Variants in PTP4A3 observed in about 807,000 individuals in gnomAD.
PTP4A3 encodes the protein protein tyrosine phosphatase 4A3.
In PTP4A3, 9 loss-of-function variants were observed where a neutral mutation model predicts 15.2. The observed-to-expected ratio is 0.59, with a 90% CI of 0.36 to 1.03. The LOEUF is 1.03. Ranked by LOEUF, PTP4A3 falls within the 50% of genes least tolerant of loss-of-function variation. The pLI is 0.02. For missense variants in PTP4A3, 234 were observed against 252.1 expected (o/e 0.93, Z 0.49); for synonymous variants, 95 against 102.0 (o/e 0.93, Z 0.41).
At chr8:141,401,782 C>T (rs112872528) in intron 1 of PTP4A3, among the ~76,000 whole-genome samples, 1,808 of 152,290 alleles carry the variant, frequency 0.012, 38 homozygotes, top group African/African-American at 0.041. Flanking sequence ...GCAGGTGGAG[C>T]GGGGCTCCAA....
rs4076820 is a variant in PTP4A3 at position 141,426,065 on chromosome 8, G to A, written c.199-874G>A. ...GCAGCGGGAGGGATTGGGGTCAGAC[G>A]TAAGTAGCCGTGACACCGGTTGTCT... On this transcript the variant is annotated intron_variant, in intron 3 of 5. Transcript: ENST00000521578. Among the ~76,000 whole-genome samples, 1,373 of 152,276 alleles carry A rather than the reference G, an allele frequency of 9.0e-3. 15 individuals carry two copies. Among genetic ancestry groups the A allele is most frequent in the African/African-American group, 0.031 (1,294 of 41,560 alleles).
In PTP4A3 at chr8:141,427,642, G is replaced by A. The variant is rs1204471743; in HGVS notation, c.330-108G>A. ...CCATGGGGGAGCTTCAGGCAGGGGG[G>A]ATTCTGGGCCCCTTGGGCCCCCGTG... On this transcript the variant is annotated intron_variant, in intron 4 of 5. Transcript: ENST00000521578. The A allele has an allele frequency of 1.8e-5, 17 of 929,178 alleles. No individual in the cohort carries two copies. In the South Asian group the frequency reaches 2.5e-4, roughly 13 times the overall value. The allele number at this position is 929,178 out of a possible 1,614,324, so 57.6% of individuals were successfully genotyped here. A position where few individuals can be genotyped will look rare whatever the true frequency, so the allele number is the denominator to read the frequency against.
intron 1 of PTP4A3, among the ~76,000 whole-genome samples, chr8:141,394,410 C>T (rs1424291655): frequency 6.6e-6 from 1 of 152,184 alleles, no homozygotes; most frequent in Non-Finnish European, 1.5e-5. Context: ...CCCCAGGGCG[C>T]TTTCTCACCT....
intron 1 of PTP4A3, among the ~76,000 whole-genome samples, chr8:141,395,836 C>A (rs1832437876): frequency 6.6e-6 from 1 of 152,130 alleles, no homozygotes; most frequent in Admixed American, 6.5e-5. Context: ...TCCCATGCCC[C>A]CCGGCTCCTC....
At chr8:141,414,162 G>A (rs1378441058) in intron 1 of PTP4A3, among the ~76,000 whole-genome samples, 5 of 152,198 alleles carry the variant, frequency 3.3e-5, no homozygotes, top group African/African-American at 4.8e-5. Context: ...TTTCCACACT[G>A]GCTTCTCAGT....
chr8:141,423,745 C>T (rs897749245), intron 2 of PTP4A3, among the ~76,000 whole-genome samples: 6 of 151,010 alleles, frequency 4.0e-5, no homozygotes, highest in African/African-American at 1.5e-4. Flanking sequence ...TGTCCAAGAT[C>T]AGGGTTCAGT....
rs149043774 is a variant in PTP4A3 at position 141,427,665 on chromosome 8, G to A, written c.330-85G>A. On this transcript the variant is annotated intron_variant, in intron 4 of 5. Coordinates refer to ENST00000521578, the MANE Select transcript of PTP4A3 (RefSeq NM_032611.3). ...GGGATTCTGGGCCCCTTGGGCCCCC[G>A]TGCCCTGCATCTTCAGCAGGTGCCC... The A allele has an allele frequency of 5.0e-4, 617 of 1,230,892 alleles. 5 individuals are homozygous for A. Among genetic ancestry groups the A allele is most frequent in the Middle Eastern group, 4.3e-3 (21 of 4,832 alleles). The allele number at this position is 1,230,892 out of a possible 1,614,324, so 76.2% of individuals were successfully genotyped here. A position where few individuals can be genotyped will look rare whatever the true frequency, so the allele number is the denominator to read the frequency against.
chr8:141,429,272 C>T (rs559626774), intron 5 of PTP4A3, among the ~76,000 whole-genome samples: 47 of 152,384 alleles, frequency 3.1e-4, no homozygotes, highest in South Asian at 2.9e-3. Flanking sequence ...AGACTCCTCG[C>T]GCTACTGCTG....
chr8:141,429,091 C>A (rs1833722878), intron 5 of PTP4A3, among the ~76,000 whole-genome samples: 1 of 152,374 alleles, frequency 6.6e-6, no homozygotes. Context: ...CAGGCCTGAA[C>A]CCCAACGACT....
At chr8:141,407,836 A>G (rs901915918) in intron 1 of PTP4A3, among the ~76,000 whole-genome samples, 1 of 152,208 alleles carries the variant, frequency 6.6e-6, no homozygotes, top group African/African-American at 2.4e-5. Flanking sequence ...CAAAGTGGTA[A>G]GATGACAGGC....
chr8:141,406,994 G>A lies in PTP4A3; in HGVS notation c.-853-14394G>A, dbSNP rs1231278384. ...CACCTTCTGGATTCTCTCCAGGGGA[G>A]GAGGTCAGGCCCTTGGGAGGTACCC... On this transcript the variant is annotated intron_variant, in intron 1 of 5. Transcript: ENST00000521578. This position sits in a 1 kb window ranked among gnomAD's most constrained non-coding sequence, Gnocchi z 4.5. 6.6e-6 allele frequency among the ~76,000 whole-genome samples: 1 copy of A among 152,240 alleles called. No individual in the cohort carries two copies. Among genetic ancestry groups the A allele is most frequent in the Non-Finnish European group, 1.5e-5 (1 of 68,044 alleles).
intron 1 of PTP4A3, among the ~76,000 whole-genome samples, chr8:141,394,895 T>A (rs1166217447): frequency 1.3e-5 from 2 of 152,248 alleles, no homozygotes; most frequent in Non-Finnish European, 2.9e-5. Flanking sequence ...GCCGCCTGAC[T>A]TCGGCGCCCC....
chr8:141,428,576 C>A (rs1205585552), intron 5 of PTP4A3, among the ~76,000 whole-genome samples: 1 of 152,192 alleles, frequency 6.6e-6, no homozygotes, highest in Non-Finnish European at 1.5e-5. Flanking sequence ...GGCTTGTTCC[C>A]AGCCATGCCA....
intron 1 of PTP4A3, among the ~76,000 whole-genome samples, chr8:141,392,806 G>A (rs1404676397): frequency 6.6e-6 from 1 of 152,218 alleles, no homozygotes; most frequent in East Asian, 1.9e-4. Flanking sequence ...GTTCCCGGAG[G>A]GAAGCCCTTT....
rs188315296 is a variant in PTP4A3 at position 141,399,994 on chromosome 8, G to A, written c.-854+7910G>A. ...CGATCTCAGCTCACTGCAAACCTCCGCTTCCCAGGCACAAGCGATTCTCCT... is the reference window on the plus strand; with the variant it reads ...CGATCTCAGCTCACTGCAAACCTCCACTTCCCAGGCACAAGCGATTCTCCT... On this transcript the variant is annotated intron_variant, in intron 1 of 5. Coordinates refer to ENST00000521578, the MANE Select transcript of PTP4A3 (RefSeq NM_032611.3). Among the ~76,000 whole-genome samples the A allele has an allele frequency of 1.8e-3, 280 of 152,340 alleles. 2 individuals carry two copies. The highest frequency in any genetic ancestry group is 6.5e-3 in the African/African-American group (270 of 41,580).
Position 141,422,485 on chromosome 8 carries a change from G to T in PTP4A3, c.105+140G>T, listed in dbSNP as rs749069884. 3.3e-5 allele frequency: 29 copies of T among 884,510 alleles called. No homozygotes were observed. In the Middle Eastern group the frequency reaches 1.2e-3, roughly 35 times the overall value. 54.8% of individuals were successfully genotyped at this position (884,510 alleles called of 1,614,324 possible). A position where few individuals can be genotyped will look rare whatever the true frequency, so the allele number is the denominator to read the frequency against. On this transcript the variant is annotated intron_variant, in intron 2 of 5. Coordinates refer to ENST00000521578, the MANE Select transcript of PTP4A3 (RefSeq NM_032611.3). Reference sequence around the variant, plus strand: ...CACAGCCTTGGAACAAAGCCCAGTCGCCTGTTACAGGATCCTGGAGGAGGG... The same window carrying T: ...CACAGCCTTGGAACAAAGCCCAGTCTCCTGTTACAGGATCCTGGAGGAGGG...
chr8:141,428,883 C>T (rs1334630333), intron 5 of PTP4A3, among the ~76,000 whole-genome samples: 1 of 152,232 alleles, frequency 6.6e-6, no homozygotes, highest in Admixed American at 6.5e-5. Context: ...CATGGATGCA[C>T]TCAGGCATGT....
intron 1 of PTP4A3, among the ~76,000 whole-genome samples, chr8:141,420,529 C>A (rs977887556): frequency 1.3e-5 from 2 of 152,134 alleles, no homozygotes; most frequent in Non-Finnish European, 2.9e-5. Context: ...TTGCTGTGGC[C>A]CCCCCTGCCG....
intron 5 of PTP4A3, 128 bp downstream of exon 5, chr8:141,427,952 G>A (rs894731929): frequency 1.0e-4 from 96 of 928,668 alleles, no homozygotes; most frequent in Non-Finnish European, 1.3e-4. Context: ...GCACAAGCTG[G>A]GCCTTGCTGC....
Sources: allele counts gnomAD v4.1 joint callset (sites outside exome capture counted in the v4.1 genomes callset), GRCh38; gene constraint gnomAD v4.1.1; non-coding constraint Gnocchi (gnomAD v3.1); transcripts MANE v1.5; gene names NCBI Gene and HGNC (gene_info 2026-07-23, HGNC 2026-07-21).